The following WASL variants were observed in gnomAD, a reference collection of about 807,000 sequenced individuals.
The protein encoded by WASL is WASP like actin nucleation promoting factor.
WASL carries 20 observed loss-of-function variants against 55.5 expected under a neutral mutation model. That is an observed-to-expected ratio of 0.36 (90% CI 0.25 to 0.52). The LOEUF is 0.52. Ranked by LOEUF, WASL falls within the 20% of genes least tolerant of loss-of-function variation. The pLI is 0.92. For synonymous variants in WASL, 249 were observed against 217.6 expected (o/e 1.14, Z -1.27); for missense variants, 504 against 622.5 (o/e 0.81, Z 2.03).
At chr7:123,704,183 A>G (rs938413528) in intron 5 of WASL, among the ~76,000 whole-genome samples, 9 of 152,334 alleles carry the variant, frequency 5.9e-5, no homozygotes, top group Admixed American at 1.3e-4. Context: ...GGGGCTTCAT[A>G]TAACACATAA....
At chr7:123,746,320 G>A (rs543873901) in intron 1 of WASL, among the ~76,000 whole-genome samples, 4 of 152,212 alleles carry the variant, frequency 2.6e-5, no homozygotes, top group Non-Finnish European at 5.9e-5. Context: ...CCAGAGCTTC[G>A]ACTATAACTG....
chr7:123,715,998 C>T (rs1469705249), intron 1 of WASL, among the ~76,000 whole-genome samples: 1 of 152,134 alleles, frequency 6.6e-6, no homozygotes, highest in Non-Finnish European at 1.5e-5. Context: ...AAAAGGGCAG[C>T]TCATAGGTGC....
At chr7:123,729,669 A>T (rs1804107292) in intron 1 of WASL, among the ~76,000 whole-genome samples, 1 of 152,172 alleles carries the variant, frequency 6.6e-6, no homozygotes, top group African/African-American at 2.4e-5. Flanking sequence ...ACAGATACGT[A>T]TGTGGGTGTA....
chr7:123,740,691 G>A (rs538105230), intron 1 of WASL, among the ~76,000 whole-genome samples: 1 of 152,072 alleles, frequency 6.6e-6, no homozygotes, highest in Non-Finnish European at 1.5e-5. Flanking sequence ...GAATTCCTGG[G>A]CTCAAGTGAA....
chr7:123,733,585 C>T (rs1343590562), intron 1 of WASL, among the ~76,000 whole-genome samples: 7 of 152,074 alleles, frequency 4.6e-5, no homozygotes, highest in African/African-American at 7.2e-5. Flanking sequence ...AATAGAATCC[C>T]AGTCAAAATC....
At chr7:123,742,834 C>T (rs1191181366) in intron 1 of WASL, among the ~76,000 whole-genome samples, 1 of 152,108 alleles carries the variant, frequency 6.6e-6, no homozygotes, top group African/African-American at 2.4e-5. Flanking sequence ...TGAAATAATT[C>T]AGGATTATCT....
chr7:123,733,471 T>C (rs569182524), intron 1 of WASL, among the ~76,000 whole-genome samples: 27 of 152,228 alleles, frequency 1.8e-4, no homozygotes, highest in African/African-American at 6.0e-4. Flanking sequence ...CTACAAAATT[T>C]TGATGAAAGA....
At chr7:123,734,519 A>G (rs1398243329) in intron 1 of WASL, among the ~76,000 whole-genome samples, 1 of 150,842 alleles carries the variant, frequency 6.6e-6, no homozygotes, top group African/African-American at 2.4e-5. Flanking sequence ...ACAGGGAGCC[A>G]GTCTATAAAG....
intron 7 of WASL, 129 bp downstream of exon 7, chr7:123,695,694 T>C: frequency 1.2e-6 from 1 of 823,566 alleles, no homozygotes; most frequent in Non-Finnish European, 1.9e-6. Context: ...CTCAGTTGTA[T>C]ACATACATAA....
chr7:123,686,862 G>T (rs1803300431), intron 10 of WASL, among the ~76,000 whole-genome samples: 2 of 152,100 alleles, frequency 1.3e-5, no homozygotes, highest in Admixed American at 1.3e-4. Context: ...TTATGCTAAA[G>T]AAGACTATAC....
At chr7:123,687,948 T>A (rs1332348348) in intron 10 of WASL, among the ~76,000 whole-genome samples, 2 of 152,196 alleles carry the variant, frequency 1.3e-5, no homozygotes, top group East Asian at 3.9e-4. Flanking sequence ...CTAGGCAATC[T>A]GCAGGTTAGT....
chr7:123,694,193 A>C (rs936879230), intron 8 of WASL, among the ~76,000 whole-genome samples: 3 of 152,230 alleles, frequency 2.0e-5, no homozygotes, highest in Non-Finnish European at 4.4e-5. Context: ...ATAATTATTA[A>C]GACAAAACTG....
chr7:123,748,495 CG>C, intron 1 of WASL, 122 bp downstream of exon 1: 5 of 967,866 alleles, frequency 5.2e-6, no homozygotes, highest in Non-Finnish European at 7.4e-6. Flanking sequence ...GGGCCGGGGC[CG>C]GGGCTGGCGG....
At chr7:123,709,316 A>C (rs1803720132) in intron 1 of WASL, 93 bp from the exon 2 acceptor site, 4 of 1,037,334 alleles carry the variant, frequency 3.9e-6, no homozygotes, top group Non-Finnish European at 5.3e-6. Context: ...CACCCAGCTA[A>C]GCTGCTCCTA....
intron 9 of WASL, among the ~76,000 whole-genome samples, chr7:123,690,097 A>AT (rs1447257774): frequency 6.6e-6 from 1 of 152,220 alleles, no homozygotes; most frequent in Non-Finnish European, 1.5e-5. Flanking sequence ...ATGAAAAAAG[A>AT]TAACAGAGAG....
At position 123,682,258 on chromosome 7, in the gene WASL, G is replaced by A. The variant is rs575895793; in HGVS notation, c.*2261C>T. 4 of 152,230 alleles carry A rather than the reference G, an allele frequency of 2.6e-5. No homozygotes were observed. In the South Asian group the frequency reaches 8.3e-4, roughly 32 times the overall value. The allele number at this position is 152,230 out of a possible 1,614,324, so 9.4% of individuals were successfully genotyped here. A position where few individuals can be genotyped will look rare whatever the true frequency, so the allele number is the denominator to read the frequency against. On this transcript the variant is annotated 3_prime_UTR_variant, in exon 11 of 11. Transcript: ENST00000223023. ...GCACAGGTATAGTGCTGCTCACAGT[G>A]CAGGATGGTAGAGGACTGAAACATG...
chr7:123,725,611 G>C (rs1804028953), intron 1 of WASL, among the ~76,000 whole-genome samples: 1 of 151,992 alleles, frequency 6.6e-6, no homozygotes, highest in South Asian at 2.1e-4. Flanking sequence ...ATCAGGCAGA[G>C]TGCTAAGAAC....
In WASL at chr7:123,683,678, CATA is replaced by C. The variant is rs552819778; in HGVS notation, c.*838_*840del. On this transcript the variant is annotated 3_prime_UTR_variant, in exon 11 of 11. Coordinates refer to ENST00000223023, the MANE Select transcript of WASL (RefSeq NM_003941.4). ...TTTTTTAACCAAATATTGGAGTTAC[CATA>C]ATATTACCTCAGTTCATGTAGAATG... The C allele has an allele frequency of 2.2e-4, 33 of 151,808 alleles. No homozygotes were observed. The East Asian group carries it at 4.8e-3, about 22-fold the overall frequency. The allele number at this position is 151,808 out of a possible 1,614,324, so 9.4% of individuals were successfully genotyped here.
chr7:123,723,496 A>G (rs1171884402), intron 1 of WASL, among the ~76,000 whole-genome samples: 1 of 152,220 alleles, frequency 6.6e-6, no homozygotes, highest in African/African-American at 2.4e-5. Context: ...GTACATTTTA[A>G]TAGGATTTTT....
Sources: gnomAD v4.1 joint callset for allele counts (sites outside exome capture counted in the v4.1 genomes callset) on GRCh38, gnomAD v4.1.1 for gene constraint, MANE v1.5 for transcripts, NCBI Gene and HGNC (gene_info 2026-07-23, HGNC 2026-07-21) for gene names.